TOX: variants seen among roughly 807,000 people sequenced by gnomAD.
TOX encodes the protein thymocyte selection-associated high mobility group box protein TOX.
Under a neutral mutation model 53.7 loss-of-function variants are expected in TOX, and 11 were observed. The ratio of observed to expected loss-of-function variants is 0.20; its 90% confidence interval spans 0.13 to 0.34. The LOEUF (loss-of-function observed/expected upper bound fraction) is 0.34, where lower values mean the gene tolerates loss of function less well. Ranked by LOEUF, TOX falls within the 10% of genes least tolerant of loss-of-function variation. TOX has a pLI of 1.00. For synonymous variants in TOX, 225 were observed against 245.3 expected, an observed-to-expected ratio of 0.92 and a Z score of 0.77; for missense variants, 570 against 664.6, an observed-to-expected ratio of 0.86 and a Z score of 1.56.
intron 2 of TOX, among the ~76,000 whole-genome samples, chr8:58,948,950 T>G (rs1812572532): frequency 6.6e-6 from 1 of 152,334 alleles, no homozygotes; most frequent in East Asian, 1.9e-4. Context: ...TTTGAGCTTT[T>G]GTTTTTGTTT....
At chr8:58,864,237 G>T (rs776583795) in intron 3 of TOX, among the ~76,000 whole-genome samples, 3 of 152,046 alleles carry the variant, frequency 2.0e-5, no homozygotes, top group South Asian at 4.1e-4. Context: ...AAAAAATGTG[G>T]CTAAAAGCTA....
At chr8:58,843,338 C>T (rs568234776) in intron 4 of TOX, among the ~76,000 whole-genome samples, 2 of 152,258 alleles carry the variant, frequency 1.3e-5, no homozygotes, top group South Asian at 2.1e-4. Flanking sequence ...AACTAGATCA[C>T]CAAAGCTAGA....
chr8:58,955,893 C>A (rs28417457), intron 2 of TOX, among the ~76,000 whole-genome samples: 93,142 of 151,660 alleles, frequency 0.61, 30,238 homozygotes, highest in Non-Finnish European at 0.71. Context: ...CTCCACCATG[C>A]CCAGCTAATT....
At chr8:58,823,322 C>A (rs1810312462) in intron 6 of TOX, among the ~76,000 whole-genome samples, 1 of 152,094 alleles carries the variant, frequency 6.6e-6, no homozygotes, top group Admixed American at 6.6e-5. Context: ...CTCACGGGTT[C>A]AAGTGATTCT....
intron 1 of TOX, among the ~76,000 whole-genome samples, chr8:58,977,280 C>A (rs182015347): frequency 6.6e-6 from 1 of 152,304 alleles, no homozygotes; most frequent in Admixed American, 6.5e-5. Context: ...ATGAACCAAC[C>A]TCTGCTAGCT....
intron 1 of TOX, among the ~76,000 whole-genome samples, chr8:59,079,534 A>G (rs763227875): frequency 3.3e-5 from 5 of 152,204 alleles, no homozygotes; most frequent in Non-Finnish European, 5.9e-5. Context: ...CAGAGGATGC[A>G]AACTGTAAGT....
chr8:59,099,922 T>C (rs1302557106), intron 1 of TOX, among the ~76,000 whole-genome samples: 1 of 152,184 alleles, frequency 6.6e-6, no homozygotes, highest in African/African-American at 2.4e-5. Context: ...ATATTTCACT[T>C]TGTAATGTAA....
chr8:58,820,578 T>C (rs1260989288), intron 6 of TOX, among the ~76,000 whole-genome samples: 1 of 152,190 alleles, frequency 6.6e-6, no homozygotes, highest in Non-Finnish European at 1.5e-5. Context: ...AGACAACTCT[T>C]TGTCTTTTGA....
chr8:59,016,198 T>C (rs762657152), intron 1 of TOX, among the ~76,000 whole-genome samples: 6 of 152,134 alleles, frequency 3.9e-5, no homozygotes, highest in Non-Finnish European at 8.8e-5. Flanking sequence ...GGGGTATACA[T>C]AAGAATTCAA....
intron 3 of TOX, among the ~76,000 whole-genome samples, chr8:58,934,885 C>T (rs1812318100): frequency 6.6e-6 from 1 of 152,210 alleles, no homozygotes; most frequent in Non-Finnish European, 1.5e-5. Context: ...CTAGAATTAT[C>T]ATCCCCATTT....
At chr8:59,057,358 C>G (rs973595086) in intron 1 of TOX, among the ~76,000 whole-genome samples, 2 of 152,064 alleles carry the variant, frequency 1.3e-5, no homozygotes, top group African/African-American at 2.4e-5. Context: ...TATTTGCATA[C>G]AAGCAGAGGC....
chr8:59,067,865 C>A (rs917364943), intron 1 of TOX, among the ~76,000 whole-genome samples: 2 of 152,192 alleles, frequency 1.3e-5, no homozygotes, highest in East Asian at 3.9e-4. Flanking sequence ...AATGGCAGTT[C>A]TCTCCTACCT....
At chr8:58,818,505 C>A (rs1031343533) in intron 6 of TOX, among the ~76,000 whole-genome samples, 7 of 152,256 alleles carry the variant, frequency 4.6e-5, no homozygotes, top group African/African-American at 1.7e-4. Flanking sequence ...GTCCTGATTC[C>A]TCCAAAAGGG....
chr8:59,021,287 T>C (rs1814124431), intron 1 of TOX, among the ~76,000 whole-genome samples: 1 of 150,090 alleles, frequency 6.7e-6, no homozygotes, highest in Admixed American at 6.7e-5. Context: ...CTGTGCACAC[T>C]AGCTCCTGAT....
chr8:59,104,287 G>A (rs1330918347), intron 1 of TOX, among the ~76,000 whole-genome samples: 2 of 151,992 alleles, frequency 1.3e-5, no homozygotes, highest in East Asian at 3.9e-4. Flanking sequence ...ACTGTACCTG[G>A]CTCTCCCTAT....
chr8:58,867,490 G>A (rs1251688859), intron 3 of TOX, among the ~76,000 whole-genome samples: 1 of 152,188 alleles, frequency 6.6e-6, no homozygotes, highest in African/African-American at 2.4e-5. Flanking sequence ...CCTCCTCTAA[G>A]AGGCTTTCCC....
intron 4 of TOX, among the ~76,000 whole-genome samples, chr8:58,846,379 T>C (rs1810719452): frequency 6.6e-6 from 1 of 152,104 alleles, no homozygotes; most frequent in South Asian, 2.1e-4. Context: ...AAGTCCCAGT[T>C]TTAAGTATTC....
At chr8:59,065,559 C>T (rs143186358) in intron 1 of TOX, among the ~76,000 whole-genome samples, 2 of 152,192 alleles carry the variant, frequency 1.3e-5, no homozygotes, top group African/African-American at 2.4e-5. Flanking sequence ...CTAATCTGAC[C>T]CCTTCCTTTT....
At chr8:59,077,576 C>G (rs562947333) in intron 1 of TOX, among the ~76,000 whole-genome samples, 10 of 152,276 alleles carry the variant, frequency 6.6e-5, no homozygotes, top group African/African-American at 2.4e-4. Flanking sequence ...ATGCAGCCCC[C>G]TTCTGTTGTG....
Sources: allele counts gnomAD v4.1 joint callset (sites outside exome capture counted in the v4.1 genomes callset), GRCh38; gene constraint gnomAD v4.1.1; transcripts MANE v1.5; gene names NCBI Gene and HGNC (gene_info 2026-07-23, HGNC 2026-07-21).